VPS13A: variants seen among roughly 807,000 people sequenced by gnomAD.
VPS13A encodes intermembrane lipid transfer protein VPS13A.
In VPS13A, 264 loss-of-function variants were observed where a neutral mutation model predicts 390.9. That is an observed-to-expected ratio of 0.68 (90% confidence interval 0.61 to 0.75). The LOEUF is 0.75. VPS13A is among the 30% of genes least tolerant of loss of function. The pLI is 0.00. For synonymous variants in VPS13A, 1,231 were observed against 1,227.1 expected (o/e 1.00, Z -0.07); for missense variants, 3,409 against 3,733.9 (o/e 0.91, Z 2.27).
Position 77,302,999 on chromosome 9 carries a change from A to G in VPS13A, c.3897A>G (p.Leu1299=). ...LNLEVVVERN[L]CWEWYQEVPC... ...TTGAGGTTGTGGTTGAACGAAATTTATGCTGGGAGTGGTACCAGGAAGTTC... is the reference window on the plus strand; with the variant it reads ...TTGAGGTTGTGGTTGAACGAAATTTGTGCTGGGAGTGGTACCAGGAAGTTC... The change falls in exon 34 of 72, where the codon TTA becomes TTG. Residue 1299 remains leucine, a synonymous_variant. Transcript: ENST00000360280. 1 of 1,614,066 alleles carries G rather than the reference A, an allele frequency of 6.2e-7. No individual in the cohort carries two copies. The highest frequency in any genetic ancestry group is 8.5e-7 in the Non-Finnish European group (1 of 1,179,986).
At chr9:77,354,292 A>C (rs1003941663) in intron 54 of VPS13A, among the ~76,000 whole-genome samples, 1 of 152,052 alleles carries the variant, frequency 6.6e-6, no homozygotes, top group Admixed American at 6.6e-5. Context: ...TTAGTTTTCT[A>C]TGTACATTAA....
At chr9:77,286,060 ACTTC>A (rs1370258875) in intron 31 of VPS13A, among the ~76,000 whole-genome samples, 2 of 152,280 alleles carry the variant, frequency 1.3e-5, no homozygotes, top group East Asian at 3.9e-4. Flanking sequence ...TTGGCAAGAT[ACTTC>A]ATAGTTGGTA....
At chr9:77,248,486 G>A (rs976062545) in intron 20 of VPS13A, among the ~76,000 whole-genome samples, 4 of 151,934 alleles carry the variant, frequency 2.6e-5, no homozygotes, top group Non-Finnish European at 4.4e-5. Context: ...CCAAAGTGCT[G>A]GGATTACAGG....
At chr9:77,317,734 A>C (rs1301261880) in intron 40 of VPS13A, 36 bp downstream of exon 40, 3 of 1,487,616 alleles carry the variant, frequency 2.0e-6, no homozygotes, top group East Asian at 4.9e-5. Context: ...TATTTAGTGC[A>C]CTTAAAAAAA....
intron 1 of VPS13A, among the ~76,000 whole-genome samples, chr9:77,198,152 A>AT (rs927594403): frequency 5.9e-4 from 89 of 150,108 alleles, no homozygotes; most frequent in Admixed American, 2.9e-3. Flanking sequence ...GTATTTATTT[A>AT]TTTTTTTTTT....
chr9:77,234,754 C>T (rs1360856247), intron 17 of VPS13A, among the ~76,000 whole-genome samples: 1 of 152,042 alleles, frequency 6.6e-6, no homozygotes, highest in Non-Finnish European at 1.5e-5. Flanking sequence ...TCAGTACTGT[C>T]TTCTTAGTGT....
chr9:77,399,216 G>A (rs1034143560), intron 68 of VPS13A, among the ~76,000 whole-genome samples: 13 of 135,716 alleles, frequency 9.6e-5, no homozygotes, highest in Non-Finnish European at 1.3e-4. Flanking sequence ...CAAAGGATAC[G>A]GTTGATTACG....
At chr9:77,357,556 C>A in intron 55 of VPS13A, 136 bp from the exon 56 acceptor site, 3 of 831,376 alleles carry the variant, frequency 3.6e-6, no homozygotes, top group Non-Finnish European at 5.6e-6. Flanking sequence ...ATTTTATGGA[C>A]ATGGGATATT....
chr9:77,262,274 A>G (rs757871859), intron 23 of VPS13A, among the ~76,000 whole-genome samples: 3 of 151,720 alleles, frequency 2.0e-5, no homozygotes, highest in African/African-American at 7.3e-5. Flanking sequence ...ACTTTGTATT[A>G]TGTGACTTTT....
At chr9:77,412,751 C>A (rs1834996676) in intron 71 of VPS13A, among the ~76,000 whole-genome samples, 1 of 152,022 alleles carries the variant, frequency 6.6e-6, no homozygotes, top group African/African-American at 2.4e-5. Context: ...CTGGCCAGGG[C>A]AATCAGGCAG....
intron 68 of VPS13A, chr9:77,384,702 T>C: frequency 1.3e-6 from 2 of 1,588,160 alleles, no homozygotes; most frequent in Non-Finnish European, 1.7e-6. Flanking sequence ...TGTTCTTTAT[T>C]TTACTTGGAA....
At chr9:77,380,280 A>AT (rs201533397) in intron 67 of VPS13A, among the ~76,000 whole-genome samples, 2,329 of 150,052 alleles carry the variant, frequency 0.016, 58 homozygotes, top group African/African-American at 0.054. Context: ...GTTAGATCAT[A>AT]TTTTTTTTAT....
At chr9:77,242,257 C>G (rs1245077421) in intron 19 of VPS13A, among the ~76,000 whole-genome samples, 2 of 151,966 alleles carry the variant, frequency 1.3e-5, no homozygotes, top group Non-Finnish European at 2.9e-5. Flanking sequence ...TTCCTTTGTT[C>G]TCTTTCCTAA....
chr9:77,384,476 T>G (rs923971667), intron 68 of VPS13A: 3 of 1,517,094 alleles, frequency 2.0e-6, no homozygotes, highest in Non-Finnish European at 2.7e-6. Context: ...AAAAATCTGC[T>G]TTAAAATTAT....
intron 44 of VPS13A, 120 bp downstream of exon 44, chr9:77,321,866 A>T (rs1587578295): frequency 1.2e-5 from 15 of 1,212,786 alleles, no homozygotes; most frequent in South Asian, 1.1e-4. Flanking sequence ...TTGTTTTTTT[A>T]AAATATCCTT....
Position 77,207,252 on chromosome 9 carries a change from T to TATATATATATATATATAA in VPS13A, c.385+1174_385+1175insTATATATATATATATAAA. ...ATATATATATATATATATATATATA[T>TATATATATATATATATAA]AAAACGTGTTATATGTAACATAACA... is the stretch of plus-strand genomic sequence containing the variant. On this transcript the variant is annotated intron_variant, in intron 5 of 71. Transcript: ENST00000360280. 4.7e-4 allele frequency among the ~76,000 whole-genome samples: 41 copies of TATATATATATATATATAA among 87,244 alleles called. 1 individual carries two copies. The highest frequency in any genetic ancestry group is 9.8e-4 in the Admixed American group (7 of 7,134). The allele number at this position is 87,244 out of a possible 152,430, so 57.2% of individuals were successfully genotyped here.
chr9:77,265,742 A>G (rs1826001697), intron 23 of VPS13A, among the ~76,000 whole-genome samples: 1 of 152,176 alleles, frequency 6.6e-6, no homozygotes, highest in Non-Finnish European at 1.5e-5. Flanking sequence ...TCAAAAAACC[A>G]GCACCTGGAT....
At chr9:77,303,495 T>G (rs1828503526) in intron 34 of VPS13A, among the ~76,000 whole-genome samples, 1 of 152,014 alleles carries the variant, frequency 6.6e-6, no homozygotes, top group African/African-American at 2.4e-5. Context: ...AGAAAAGAAA[T>G]AAGACACAGA....
At chr9:77,218,052 T>G (rs1822962870) in intron 10 of VPS13A, among the ~76,000 whole-genome samples, 1 of 152,052 alleles carries the variant, frequency 6.6e-6, no homozygotes, top group Admixed American at 6.5e-5. Context: ...GAGCAGTTTT[T>G]CATACACATG....
Sources: gnomAD v4.1 joint callset for allele counts (sites outside exome capture counted in the v4.1 genomes callset) on GRCh38, gnomAD v4.1.1 for gene constraint, MANE v1.5 for transcripts, NCBI Gene and HGNC (gene_info 2026-07-23, HGNC 2026-07-21) for gene names.